The following CERKL variants were observed in gnomAD, a reference collection of about 807,000 sequenced individuals.
The protein encoded by CERKL is ceramide kinase-like protein.
In CERKL, 61 loss-of-function variants were observed where a neutral mutation model predicts 63.4. The observed-to-expected ratio is 0.96, with a 90% confidence interval of 0.78 to 1.19. The LOEUF (loss-of-function observed/expected upper bound fraction) is 1.19. Ranked by LOEUF, CERKL falls within the 50% of genes most tolerant of loss-of-function variation. CERKL has a pLI of 0.00. For synonymous variants in CERKL, 250 were observed against 230.5 expected, an observed-to-expected ratio of 1.08 and a Z score of -0.77; for missense variants, 675 against 655.5, an observed-to-expected ratio of 1.03 and a Z score of -0.33.
chr2:181,603,737 C>T, intron 2 of CERKL, 100 bp downstream of exon 2: 1 of 1,198,322 alleles, frequency 8.3e-7, no homozygotes, highest in Non-Finnish European at 1.2e-6. Flanking sequence ...AGGAAACTAT[C>T]TCAACATCAC....
intron 1 of CERKL, among the ~76,000 whole-genome samples, chr2:181,607,584 TC>T (rs1478716247): frequency 1.3e-5 from 2 of 152,138 alleles, no homozygotes; most frequent in African/African-American, 4.8e-5. Context: ...GAAACCAAAC[TC>T]AGTCACAGCA....
intron 1 of CERKL, among the ~76,000 whole-genome samples, chr2:181,651,112 A>T (rs190420184): frequency 1.3e-4 from 20 of 152,200 alleles, no homozygotes; most frequent in African/African-American, 3.4e-4. Context: ...TAACAAACCA[A>T]TATCAATTCC....
intron 4 of CERKL, among the ~76,000 whole-genome samples, chr2:181,561,426 T>C (rs1345155923): frequency 8.0e-6 from 1 of 124,756 alleles, no homozygotes; most frequent in Non-Finnish European, 1.7e-5. Context: ...AAAAAAAAAA[T>C]AGATCATAAG....
At chr2:181,538,703 T>G (rs918920066) in intron 12 of CERKL, among the ~76,000 whole-genome samples, 2 of 152,060 alleles carry the variant, frequency 1.3e-5, no homozygotes, top group African/African-American at 4.8e-5. Context: ...TAATTATGAG[T>G]GAGAGGAAAC....
rs1688201421 is a variant in CERKL, at chr2:181,556,285, C to T, written c.820+2281G>A. ...TACTTTAAATTCTAGGGTACATGTG[C>T]ACAATGTGCAGGTTTGTTACATATG... is the stretch of plus-strand genomic sequence containing the variant. On this transcript the variant is annotated intron_variant, in intron 5 of 12. Transcript: ENST00000410087. Among the ~76,000 whole-genome samples the T allele has an allele frequency of 2.0e-5, 3 of 151,666 alleles. No homozygotes were observed. The South Asian group carries it at 6.3e-4, about 32-fold the overall frequency.
chr2:181,570,215 T>C (rs1384114204), intron 3 of CERKL, among the ~76,000 whole-genome samples: 2 of 152,162 alleles, frequency 1.3e-5, no homozygotes, highest in Admixed American at 6.5e-5. Flanking sequence ...CAAACAGTAT[T>C]GTCCAGTAAC....
chr2:181,548,020 T>C, intron 8 of CERKL, 173 bp from the exon 9 acceptor site: 1 of 647,744 alleles, frequency 1.5e-6, no homozygotes, highest in Non-Finnish European at 2.7e-6. Flanking sequence ...GCTGCCAACA[T>C]AATGTGTTGA....
chr2:181,641,742 T>C (rs1464775314), intron 1 of CERKL, among the ~76,000 whole-genome samples: 1 of 152,212 alleles, frequency 6.6e-6, no homozygotes, highest in Non-Finnish European at 1.5e-5. Context: ...CATGCAGTTA[T>C]TGAATTCAAA....
chr2:181,572,135 T>G (rs1216681933), intron 3 of CERKL, among the ~76,000 whole-genome samples: 2 of 151,910 alleles, frequency 1.3e-5, no homozygotes, highest in African/African-American at 2.4e-5. Context: ...CCCTCCCAAC[T>G]TTTACAGTAC....
intron 5 of CERKL, among the ~76,000 whole-genome samples, chr2:181,553,671 T>A (rs145412720): frequency 6.6e-6 from 1 of 152,216 alleles, no homozygotes; most frequent in Non-Finnish European, 1.5e-5. Context: ...TCTGTAGAAG[T>A]TGGCAGTGAT....
At chr2:181,650,944 C>T (rs1186024419) in intron 1 of CERKL, among the ~76,000 whole-genome samples, 2 of 151,918 alleles carry the variant, frequency 1.3e-5, no homozygotes, top group African/African-American at 2.4e-5. Flanking sequence ...ATAGAAAAAA[C>T]GAAGTCCCCG....
rs868849403 is a variant in CERKL, at chr2:181,588,896, A to G, written c.481+14941T>C. On this transcript the variant is annotated intron_variant, in intron 2 of 12. Coordinates refer to ENST00000410087, the MANE Select transcript of CERKL (RefSeq NM_201548.5). ...GTATGTCTTCTTTCGAGAAATGTCT[A>G]TTCAGATCCTTTGCTCATTTTTTAT... 2.0e-5 allele frequency among the ~76,000 whole-genome samples: 3 copies of G among 152,076 alleles called. 1 individual carries two copies. The highest frequency in any genetic ancestry group is 1.3e-4 in the Admixed American group (2 of 15,266).
At chr2:181,556,673 T>C (rs2105816977) in intron 5 of CERKL, among the ~76,000 whole-genome samples, 1 of 152,336 alleles carries the variant, frequency 6.6e-6, no homozygotes, top group East Asian at 1.9e-4. Flanking sequence ...TTCCAAGTCT[T>C]TGCTATTGTG....
chr2:181,624,709 AT>A (rs1686608678), intron 1 of CERKL, among the ~76,000 whole-genome samples: 1 of 147,902 alleles, frequency 6.8e-6, no homozygotes, highest in Non-Finnish European at 1.5e-5. Context: ...AGGCAACAGG[AT>A]TTGTTGATAG....
intron 1 of CERKL, among the ~76,000 whole-genome samples, chr2:181,641,361 A>G (rs74178507): frequency 7.4e-6 from 1 of 134,242 alleles, no homozygotes. Flanking sequence ...ATATACACAT[A>G]TTTTTTTCCC....
intron 2 of CERKL, among the ~76,000 whole-genome samples, chr2:181,601,001 G>A (rs1176580348): frequency 6.6e-6 from 1 of 152,134 alleles, no homozygotes; most frequent in Non-Finnish European, 1.5e-5. Flanking sequence ...CAATGCAAGT[G>A]TCTTCTGAGG....
intron 10 of CERKL, among the ~76,000 whole-genome samples, chr2:181,545,644 A>C (rs1687693635): frequency 6.6e-6 from 1 of 152,184 alleles, no homozygotes; most frequent in African/African-American, 2.4e-5. Flanking sequence ...CTCCAAGTTT[A>C]AGTGATTTGT....
At chr2:181,555,673 T>G (rs936166273) in intron 5 of CERKL, among the ~76,000 whole-genome samples, 1 of 152,082 alleles carries the variant, frequency 6.6e-6, no homozygotes, top group Non-Finnish European at 1.5e-5. Context: ...GGGAAAAATA[T>G]TTTGCTTTTT....
chr2:181,539,523 A>C (rs16867442), intron 11 of CERKL, among the ~76,000 whole-genome samples: 23,231 of 152,082 alleles, frequency 0.15, 2,023 homozygotes, highest in African/African-American at 0.22. Flanking sequence ...AAGTTACATA[A>C]AATAGTGATA....
Sources: allele counts gnomAD v4.1 joint callset (sites outside exome capture counted in the v4.1 genomes callset), GRCh38; gene constraint gnomAD v4.1.1; transcripts MANE v1.5; gene names NCBI Gene and HGNC (gene_info 2026-07-23, HGNC 2026-07-21).